ADK: variants seen among roughly 807,000 people sequenced by gnomAD.
ADK encodes N6,N6-dimethyladenosine kinase.
In ADK, 24 loss-of-function variants were observed where a neutral mutation model predicts 44.7. That is an observed-to-expected ratio of 0.54 (90% confidence interval 0.39 to 0.76). The LOEUF (loss-of-function observed/expected upper bound fraction) is 0.76. ADK is among the 30% of genes least tolerant of loss of function. The probability of loss-of-function intolerance (pLI) is 0.00; values close to 1 mark genes in which losing one functional copy is unlikely to be tolerated. For synonymous variants in ADK, 128 were observed against 142.6 expected, an observed-to-expected ratio of 0.90 and a Z score of 0.73; for missense variants, 321 against 425.1, an observed-to-expected ratio of 0.76 and a Z score of 2.15.
intron 10 of ADK, among the ~76,000 whole-genome samples, chr10:74,692,392 T>C (rs1213327730): frequency 6.6e-6 from 1 of 152,106 alleles, no homozygotes. Flanking sequence ...GGCAGGAGAA[T>C]TGCTTAAACC....
intron 2 of ADK, among the ~76,000 whole-genome samples, chr10:74,214,103 A>G (rs1333786769): frequency 3.3e-5 from 5 of 152,170 alleles, no homozygotes. Context: ...TACTTTGCTA[A>G]TGAGATTTAA....
chr10:74,541,803 C>CG (rs1554878485), intron 7 of ADK, among the ~76,000 whole-genome samples: 2 of 138,930 alleles, frequency 1.4e-5, no homozygotes, highest in Non-Finnish European at 3.2e-5. Context: ...CACCCCCCCC[C>CG]CCTAAAAAAA....
intron 7 of ADK, among the ~76,000 whole-genome samples, chr10:74,544,521 A>C (rs1183326404): frequency 6.6e-6 from 1 of 152,214 alleles, no homozygotes; most frequent in Non-Finnish European, 1.5e-5. Context: ...GGTGGTGCAG[A>C]ATCATGTGAT....
In ADK at chr10:74,540,447, T is replaced by C. The variant is rs1386497578; in HGVS notation, c.726+15021T>C. On this transcript the variant is annotated intron_variant, in intron 7 of 10. Coordinates refer to ENST00000539909, the MANE Select transcript of ADK (RefSeq NM_006721.4). Reference sequence around the variant, plus strand: ...AATATTAAATATATATTTAATGTTCTTATTTAATGCCTTTAATTTTTTTTT... The same window carrying C: ...AATATTAAATATATATTTAATGTTCCTATTTAATGCCTTTAATTTTTTTTT... 3.3e-5 allele frequency among the ~76,000 whole-genome samples: 5 copies of C among 152,034 alleles called. No homozygotes were observed. In the South Asian group the frequency reaches 8.3e-4, roughly 25 times the overall value.
At chr10:74,466,471 C>T (rs1450990193) in intron 6 of ADK, among the ~76,000 whole-genome samples, 2 of 151,992 alleles carry the variant, frequency 1.3e-5, no homozygotes, top group African/African-American at 2.4e-5. Flanking sequence ...GTTTTAAATT[C>T]GAATCTGAAA....
At chr10:74,521,054 T>A (rs1294342620) in intron 6 of ADK, among the ~76,000 whole-genome samples, 2 of 152,084 alleles carry the variant, frequency 1.3e-5, no homozygotes, top group African/African-American at 2.4e-5. Flanking sequence ...AGAAAAAAAA[T>A]TTTGTAATGG....
chr10:74,185,728 C>G (rs1172942419), intron 1 of ADK, among the ~76,000 whole-genome samples: 2 of 141,804 alleles, frequency 1.4e-5, no homozygotes, highest in Non-Finnish European at 3.1e-5. Context: ...CCCAGCTACT[C>G]GGGAGGCTGA....
intron 4 of ADK, among the ~76,000 whole-genome samples, chr10:74,316,458 G>A (rs1005041549): frequency 2.0e-5 from 3 of 152,176 alleles, no homozygotes; most frequent in Non-Finnish European, 2.9e-5. Context: ...CATGGGTGCA[G>A]TTTCCTTCAT....
chr10:74,675,016 T>A (rs1589359860), intron 10 of ADK, among the ~76,000 whole-genome samples: 1 of 152,222 alleles, frequency 6.6e-6, no homozygotes, highest in Non-Finnish European at 1.5e-5. Flanking sequence ...AATTAACATA[T>A]CTTCTTTCTG....
intron 3 of ADK, among the ~76,000 whole-genome samples, chr10:74,291,309 C>T (rs1045267550): frequency 3.3e-5 from 5 of 151,836 alleles, no homozygotes; most frequent in Admixed American, 6.6e-5. Flanking sequence ...CCCAGCTACT[C>T]GGGAGGCTGA....
At chr10:74,398,666 C>A in intron 6 of ADK, 87 bp downstream of exon 6, 2 of 693,100 alleles carry the variant, frequency 2.9e-6, no homozygotes, top group Non-Finnish European at 4.7e-6. Flanking sequence ...AAATAATTAT[C>A]TTTTATTTAC....
At chr10:74,648,618 CAGTG>C (rs1225897592) in intron 9 of ADK, among the ~76,000 whole-genome samples, 1 of 151,176 alleles carries the variant, frequency 6.6e-6, no homozygotes, top group East Asian at 2.0e-4. Context: ...GCGGAGGTTG[CAGTG>C]AGCCGAGATC....
chr10:74,200,871 G>A (rs1330675017), intron 2 of ADK, 33 bp downstream of exon 2: 1 of 1,351,520 alleles, frequency 7.4e-7, no homozygotes, highest in East Asian at 2.3e-5. Flanking sequence ...GCACTATGTG[G>A]AACTTACATT....
At chr10:74,215,963 C>T (rs1403122035) in intron 2 of ADK, among the ~76,000 whole-genome samples, 1 of 152,136 alleles carries the variant, frequency 6.6e-6, no homozygotes, top group Non-Finnish European at 1.5e-5. Context: ...GCCTAAATCA[C>T]TCTTTTTAGT....
intron 4 of ADK, among the ~76,000 whole-genome samples, chr10:74,319,463 T>C (rs937321865): frequency 1.3e-5 from 2 of 152,180 alleles, no homozygotes; most frequent in Non-Finnish European, 2.9e-5. Context: ...AATGTCTTCT[T>C]ATAAGGACAC....
intron 3 of ADK, among the ~76,000 whole-genome samples, chr10:74,294,273 A>G (rs1385916568): frequency 6.6e-6 from 1 of 150,678 alleles, no homozygotes; most frequent in African/African-American, 2.4e-5. Flanking sequence ...TCATATGCAC[A>G]TATTTCTTTT....
At chr10:74,195,888 G>T (rs1843127686) in intron 1 of ADK, among the ~76,000 whole-genome samples, 1 of 151,504 alleles carries the variant, frequency 6.6e-6, no homozygotes, top group Non-Finnish European at 1.5e-5. Flanking sequence ...TGTTGCCCAG[G>T]CTGGTCTTGA....
chr10:74,255,753 A>C (rs1237178255), intron 3 of ADK, among the ~76,000 whole-genome samples: 1 of 152,368 alleles, frequency 6.6e-6, no homozygotes, highest in East Asian at 1.9e-4. Context: ...GAATTTGTTA[A>C]GCAAACTTAC....
chr10:74,224,688 A>G (rs1241149651), intron 3 of ADK, 97 bp downstream of exon 3: 1 of 963,980 alleles, frequency 1.0e-6, no homozygotes, highest in Non-Finnish European at 1.6e-6. Flanking sequence ...TTATATAATG[A>G]CAAAGTATAA....
Sources: gnomAD v4.1 joint callset for allele counts (sites outside exome capture counted in the v4.1 genomes callset) on GRCh38, gnomAD v4.1.1 for gene constraint, MANE v1.5 for transcripts, NCBI Gene and HGNC (gene_info 2026-07-23, HGNC 2026-07-21) for gene names.